The following COG5 variants were observed in gnomAD, a reference collection of about 807,000 sequenced individuals.
The protein encoded by COG5 is component of oligomeric golgi complex 5.
Under a neutral mutation model 110.4 loss-of-function variants are expected in COG5, and 86 were observed. That is an observed-to-expected ratio of 0.78 (90% confidence interval 0.65 to 0.93). COG5 has a LOEUF of 0.93. Among genes scored for constraint, COG5 ranks in the 40% least tolerant of loss-of-function variants. COG5 has a pLI of 0.00. For synonymous variants in COG5, 360 were observed against 334.6 expected (o/e 1.08, Z -0.83); for missense variants, 1,077 against 987.0 (o/e 1.09, Z -1.22).
chr7:107,278,249 T>C (rs1804863221), intron 14 of COG5, among the ~76,000 whole-genome samples: 1 of 152,062 alleles, frequency 6.6e-6, no homozygotes, highest in Non-Finnish European at 1.5e-5. Flanking sequence ...CTTCCCTTCC[T>C]TCCTTTCTTC....
At chr7:107,402,425 T>C (rs1448920601) in intron 7 of COG5, among the ~76,000 whole-genome samples, 1 of 152,222 alleles carries the variant, frequency 6.6e-6, no homozygotes, top group African/African-American at 2.4e-5. Context: ...AGTCTCATAC[T>C]TGTTTACTGG....
intron 6 of COG5, among the ~76,000 whole-genome samples, chr7:107,439,301 T>C (rs1794566274): frequency 2.6e-5 from 4 of 152,104 alleles, no homozygotes; most frequent in Admixed American, 2.0e-4. Flanking sequence ...TCTTTGAAAT[T>C]TACATCCTTT....
chr7:107,438,513 G>C (rs1563035081), intron 6 of COG5, among the ~76,000 whole-genome samples: 1 of 152,160 alleles, frequency 6.6e-6, no homozygotes, highest in Non-Finnish European at 1.5e-5. Context: ...GATGTGCACT[G>C]CACACGTTAG....
At chr7:107,441,211 G>A (rs535835208) in intron 6 of COG5, among the ~76,000 whole-genome samples, 7 of 141,238 alleles carry the variant, frequency 5.0e-5, no homozygotes, top group South Asian at 2.2e-4. Context: ...AGCCGAGATC[G>A]CGCCACTGCA....
rs1562945532 is a variant in COG5, at chr7:107,274,753, C to T, written c.1575+6547G>A. On this transcript the variant is annotated intron_variant, in intron 14 of 21. Coordinates refer to ENST00000297135, the MANE Select transcript of COG5 (RefSeq NM_006348.5). ...TGTTGGTTACACAGCATTCTTATGA[C>T]AACATATAACTAATACAGACTTTGA... Among the ~76,000 whole-genome samples the T allele has an allele frequency of 3.3e-5, 5 of 152,306 alleles. No homozygotes were observed. The East Asian group carries it at 7.7e-4, about 24-fold the overall frequency.
chr7:107,365,040 A>T (rs1182643783), intron 8 of COG5, among the ~76,000 whole-genome samples: 3 of 152,024 alleles, frequency 2.0e-5, no homozygotes, highest in Admixed American at 1.3e-4. Context: ...TATGAATACT[A>T]AAAAAATAGG....
chr7:107,557,507 T>G (rs1263866418), intron 2 of COG5, among the ~76,000 whole-genome samples: 1 of 152,242 alleles, frequency 6.6e-6, no homozygotes, highest in Admixed American at 6.5e-5. Flanking sequence ...AACAACAGCA[T>G]AGCTGAAATT....
At chr7:107,304,475 A>G (rs1413540749) in intron 11 of COG5, among the ~76,000 whole-genome samples, 1 of 152,208 alleles carries the variant, frequency 6.6e-6, no homozygotes, top group African/African-American at 2.4e-5. Context: ...TGAATGAACA[A>G]ATGAATTGAA....
chr7:107,538,123 G>A (rs1195511339), intron 5 of COG5, among the ~76,000 whole-genome samples: 1 of 152,194 alleles, frequency 6.6e-6, no homozygotes, highest in Non-Finnish European at 1.5e-5. Flanking sequence ...AGCCAGGTAT[G>A]TTCAACATGG....
At chr7:107,220,170 C>G (rs938616205) in intron 19 of COG5, among the ~76,000 whole-genome samples, 8 of 152,296 alleles carry the variant, frequency 5.3e-5, no homozygotes, top group Non-Finnish European at 1.0e-4. Flanking sequence ...AACAGCTATG[C>G]TGATTCACAG....
At chr7:107,338,911 C>T (rs939391025) in intron 10 of COG5, among the ~76,000 whole-genome samples, 2 of 152,064 alleles carry the variant, frequency 1.3e-5, no homozygotes, top group Admixed American at 1.3e-4. Flanking sequence ...ATACCTGTTA[C>T]TACAAAAACA....
chr7:107,485,168 A>C (rs916704531), intron 6 of COG5, among the ~76,000 whole-genome samples: 3 of 152,210 alleles, frequency 2.0e-5, no homozygotes, highest in African/African-American at 7.2e-5. Context: ...TAGCCACCAG[A>C]GCTGAAGCGA....
chr7:107,205,260 A>T (rs1419022633), intron 21 of COG5, among the ~76,000 whole-genome samples: 2 of 152,202 alleles, frequency 1.3e-5, no homozygotes, highest in African/African-American at 4.8e-5. Context: ...AGGATCCAGC[A>T]TTGTGGAATT....
At chr7:107,278,652 T>A (rs1465114484) in intron 14 of COG5, among the ~76,000 whole-genome samples, 5 of 152,144 alleles carry the variant, frequency 3.3e-5, no homozygotes, top group Non-Finnish European at 7.3e-5. Context: ...AACCATCTGA[T>A]CTTTCACAAA....
At chr7:107,432,737 A>G (rs1004772208) in intron 6 of COG5, among the ~76,000 whole-genome samples, 2 of 152,200 alleles carry the variant, frequency 1.3e-5, no homozygotes, top group African/African-American at 4.8e-5. Flanking sequence ...CATGTACTAT[A>G]AAAAGTCCAG....
intron 16 of COG5, among the ~76,000 whole-genome samples, chr7:107,250,169 A>G (rs537710788): frequency 6.6e-6 from 1 of 152,334 alleles, no homozygotes; most frequent in Admixed American, 6.5e-5. Context: ...CTATAAGGCC[A>G]CGGCAGTGGT....
At chr7:107,492,850 G>T (rs138512393) in intron 6 of COG5, among the ~76,000 whole-genome samples, 10 of 152,190 alleles carry the variant, frequency 6.6e-5, no homozygotes, top group Admixed American at 2.0e-4. Context: ...GATTAAAACA[G>T]GACTCTCTGG....
chr7:107,468,201 T>A (rs1796416702), intron 6 of COG5, among the ~76,000 whole-genome samples: 1 of 152,216 alleles, frequency 6.6e-6, no homozygotes, highest in Non-Finnish European at 1.5e-5. Flanking sequence ...TTGACTCTGC[T>A]GCTAACTTAC....
At chr7:107,417,459 T>C (rs1792940010) in intron 6 of COG5, among the ~76,000 whole-genome samples, 1 of 152,130 alleles carries the variant, frequency 6.6e-6, no homozygotes, top group Non-Finnish European at 1.5e-5. Flanking sequence ...ATGACCAAAA[T>C]TTACTTAACC....
Sources: gnomAD v4.1 joint callset for allele counts (sites outside exome capture counted in the v4.1 genomes callset) on GRCh38, gnomAD v4.1.1 for gene constraint, MANE v1.5 for transcripts, NCBI Gene and HGNC (gene_info 2026-07-23, HGNC 2026-07-21) for gene names.